Variants in SSH2 observed in about 807,000 individuals in gnomAD.
The protein encoded by SSH2 is slingshot protein phosphatase 2.
SSH2 carries 37 observed loss-of-function variants against 135.2 expected under a neutral mutation model. The observed-to-expected ratio is 0.27, with a 90% CI of 0.21 to 0.36. The LOEUF (loss-of-function observed/expected upper bound fraction) is 0.36. SSH2 is among the 10% of genes least tolerant of loss of function. The pLI, the probability that SSH2 is intolerant of heterozygous loss-of-function variation, is 1.00. For synonymous variants in SSH2, 628 were observed against 646.2 expected, an observed-to-expected ratio of 0.97 and a Z score of 0.43; for missense variants, 1,408 against 1,765.3, an observed-to-expected ratio of 0.80 and a Z score of 3.63.
intron 1 of SSH2, among the ~76,000 whole-genome samples, chr17:29,917,827 C>T (rs1010947098): frequency 1.3e-5 from 2 of 151,740 alleles, no homozygotes; most frequent in Non-Finnish European, 2.9e-5. Context: ...TGCACTCCAG[C>T]CTGGGCGACA....
chr17:29,784,340 G>A (rs2041912769), intron 3 of SSH2, among the ~76,000 whole-genome samples: 1 of 151,360 alleles, frequency 6.6e-6, no homozygotes, highest in South Asian at 2.1e-4. Context: ...AGCCAAGATT[G>A]TGCCATTGCA....
intron 6 of SSH2, among the ~76,000 whole-genome samples, chr17:29,679,685 C>A (rs1312183697): frequency 4.6e-5 from 7 of 152,200 alleles, no homozygotes; most frequent in Non-Finnish European, 1.5e-5. Flanking sequence ...GGATTACAGG[C>A]GTGAGCCACC....
At chr17:29,929,170 T>C (rs562527063) in intron 1 of SSH2, 1 of 152,276 alleles carries the variant, frequency 6.6e-6, no homozygotes, top group Non-Finnish European at 1.5e-5. Context: ...GAGCATGCTT[T>C]ATTGGCATAG....
chr17:29,913,333 AAAAAAAAAAAAAAAATAT>A, intron 1 of SSH2, among the ~76,000 whole-genome samples: 1 of 53,300 alleles, frequency 1.9e-5, no homozygotes, highest in Non-Finnish European at 3.8e-5. Context: ...AAAAAAAAAA[AAAAAAAAAAAAAAAATAT>A]ATATATATAT....
intron 3 of SSH2, among the ~76,000 whole-genome samples, chr17:29,715,020 C>T (rs2151155074): frequency 6.6e-6 from 1 of 152,242 alleles, no homozygotes; most frequent in East Asian, 1.9e-4. Flanking sequence ...GCACGCACCA[C>T]TGCGCCCAGC....
intron 13 of SSH2, among the ~76,000 whole-genome samples, chr17:29,650,296 T>C (rs1304295280): frequency 6.6e-6 from 1 of 152,252 alleles, no homozygotes; most frequent in Non-Finnish European, 1.5e-5. Context: ...CAGTATTCTA[T>C]CTATCTGAAA....
At chr17:29,712,655 T>A (rs1429178315) in intron 3 of SSH2, among the ~76,000 whole-genome samples, 1 of 152,096 alleles carries the variant, frequency 6.6e-6, no homozygotes, top group African/African-American at 2.4e-5. Flanking sequence ...AATACAAAAA[T>A]TAGCCGGGCA....
chr17:29,748,441 AAAGT>A (rs1389334976), intron 3 of SSH2, among the ~76,000 whole-genome samples: 1 of 152,164 alleles, frequency 6.6e-6, no homozygotes, highest in Non-Finnish European at 1.5e-5. Flanking sequence ...ATAACCACAA[AAAGT>A]CAGTATTAAT....
intron 5 of SSH2, among the ~76,000 whole-genome samples, chr17:29,694,925 T>A (rs900068313): frequency 6.6e-6 from 1 of 152,176 alleles, no homozygotes; most frequent in African/African-American, 2.4e-5. Context: ...TATGTTTTCA[T>A]GTCCAGTTGA....
At chr17:29,861,451 T>C (rs962729240) in intron 1 of SSH2, among the ~76,000 whole-genome samples, 2 of 152,202 alleles carry the variant, frequency 1.3e-5, no homozygotes, top group Admixed American at 6.5e-5. Flanking sequence ...AAGTTATATA[T>C]GATCAGCAAC....
intron 3 of SSH2, among the ~76,000 whole-genome samples, chr17:29,713,267 G>T (rs1444827683): frequency 6.6e-6 from 1 of 152,050 alleles, no homozygotes; most frequent in African/African-American, 2.4e-5. Flanking sequence ...CCTGGGAGGC[G>T]GAGGCTGCAG....
At chr17:29,787,731 ATT>A (rs61703855) in intron 3 of SSH2, 14 of 139,192 alleles carry the variant, frequency 1.0e-4, no homozygotes, top group Admixed American at 2.2e-4. Flanking sequence ...AGTGATTTTG[ATT>A]TTTTTTTTTT....
At chr17:29,752,842 A>AG (rs1400960580) in intron 3 of SSH2, among the ~76,000 whole-genome samples, 149 of 150,922 alleles carry the variant, frequency 9.9e-4, no homozygotes, top group African/African-American at 3.4e-3. Flanking sequence ...AAATCACAGA[A>AG]AAAAAAAAAA....
intron 1 of SSH2, among the ~76,000 whole-genome samples, chr17:29,893,977 C>T (rs1479821384): frequency 6.6e-6 from 1 of 152,000 alleles, no homozygotes; most frequent in African/African-American, 2.4e-5. Context: ...TCCCATTCCC[C>T]AAAAGTCTAT....
chr17:29,767,437 T>A (rs548363701), intron 3 of SSH2, among the ~76,000 whole-genome samples: 79 of 152,024 alleles, frequency 5.2e-4, no homozygotes, highest in Middle Eastern at 3.4e-3. Flanking sequence ...GTTTTTTTTT[T>A]AAATAACATT....
intron 2 of SSH2, among the ~76,000 whole-genome samples, chr17:29,802,618 C>CAAAA (rs74267073): frequency 1.8e-3 from 103 of 57,104 alleles, no homozygotes; most frequent in Middle Eastern, 0.013. Context: ...ACTGTTTCTA[C>CAAAA]AAAAAAAAAA....
chr17:29,702,849 C>A, intron 4 of SSH2, 110 bp downstream of exon 4: 1 of 917,000 alleles, frequency 1.1e-6, no homozygotes, highest in South Asian at 1.4e-5. Context: ...ACAATGCTTT[C>A]TTTCACCATT....
At chr17:29,822,542 TG>T (rs926181466) in intron 2 of SSH2, among the ~76,000 whole-genome samples, 1 of 151,972 alleles carries the variant, frequency 6.6e-6, no homozygotes, top group African/African-American at 2.4e-5. Flanking sequence ...TTAAATTTTT[TG>T]TAGAGACGGA....
Position 29,887,045 on chromosome 17 carries a change from G to C in SSH2, c.64-38116C>G, listed in dbSNP as rs559464853. On this transcript the variant is annotated intron_variant, in intron 1 of 15. Transcript: ENST00000540801. The stretch of plus-strand genomic sequence containing the variant: ...GATGAAAAGATTGACCAGAGCCAGA[G>C]TTAAGTGGTAGCAAAGCCAGATGAA... 4.6e-5 allele frequency among the ~76,000 whole-genome samples: 7 copies of C among 152,270 alleles called. No homozygotes were observed. The East Asian group carries it at 1.4e-3, about 29-fold the overall frequency.
Sources: gnomAD v4.1 joint callset for allele counts (sites outside exome capture counted in the v4.1 genomes callset) on GRCh38, gnomAD v4.1.1 for gene constraint, MANE v1.5 for transcripts, NCBI Gene and HGNC (gene_info 2026-07-23, HGNC 2026-07-21) for gene names.